The following IGF1R variants were observed in gnomAD, a reference collection of about 807,000 sequenced individuals.
IGF1R encodes insulin-like growth factor 1 receptor.
IGF1R carries 44 observed loss-of-function variants against 144.6 expected under a neutral mutation model. The ratio of observed to expected loss-of-function variants is 0.30; its 90% CI spans 0.24 to 0.39. The LOEUF (loss-of-function observed/expected upper bound fraction) is 0.39, where lower values mean the gene tolerates loss of function less well. Ranked by LOEUF, IGF1R falls within the 10% of genes least tolerant of loss-of-function variation. The probability of loss-of-function intolerance (pLI) is 1.00; values close to 1 mark genes in which losing one functional copy is unlikely to be tolerated. For missense variants in IGF1R, 1,355 were observed against 1,833.7 expected (o/e 0.74, Z 4.77); for synonymous variants, 795 against 722.8 (o/e 1.10, Z -1.60).
chr15:98,868,412 G>T (rs1048674233), intron 2 of IGF1R, among the ~76,000 whole-genome samples: 1 of 148,266 alleles, frequency 6.7e-6, no homozygotes, highest in East Asian at 2.0e-4. Flanking sequence ...GATCTTTAAG[G>T]CATGGAAATG....
chr15:98,850,748 G>T (rs770044373), intron 2 of IGF1R, among the ~76,000 whole-genome samples: 2 of 152,162 alleles, frequency 1.3e-5, no homozygotes, highest in South Asian at 4.1e-4. Context: ...CACTTGGTGG[G>T]GGGGGGTACC....
At chr15:98,665,544 C>A (rs758561471) in intron 1 of IGF1R, among the ~76,000 whole-genome samples, 1 of 152,120 alleles carries the variant, frequency 6.6e-6, no homozygotes, top group Non-Finnish European at 1.5e-5. Flanking sequence ...AGAGCCTGGT[C>A]ACGAGCATGA....
chr15:98,741,699 C>T (rs1342460904), intron 2 of IGF1R, among the ~76,000 whole-genome samples: 5 of 152,188 alleles, frequency 3.3e-5, no homozygotes, highest in African/African-American at 1.2e-4. Context: ...ACTAGAGAGT[C>T]TTGCAGAGAG....
At chr15:98,703,774 A>G (rs1485574393) in intron 1 of IGF1R, among the ~76,000 whole-genome samples, 1 of 152,220 alleles carries the variant, frequency 6.6e-6, no homozygotes, top group Admixed American at 6.5e-5. Context: ...TCCTGTCTGC[A>G]TTTTGATTGC....
rs911994476 is a variant in IGF1R at position 98,962,111 on chromosome 15, G to A, written c.*4669G>A. 4 of 233,174 alleles carry A rather than the reference G, an allele frequency of 1.7e-5. No homozygotes were observed. The highest frequency in any genetic ancestry group is 3.4e-5 in the Non-Finnish European group (4 of 118,070). 14.4% of individuals were successfully genotyped at this position (233,174 alleles called of 1,614,324 possible). A position where few individuals can be genotyped will look rare whatever the true frequency, so the allele number is the denominator to read the frequency against. ...CCGAATGGCTTGCCAGTGGCTCTGTGGCAAGATCACACTGAGATCGATGGG... is the reference window on the plus strand; with the variant it reads ...CCGAATGGCTTGCCAGTGGCTCTGTAGCAAGATCACACTGAGATCGATGGG... On this transcript the variant is annotated 3_prime_UTR_variant, in exon 21 of 21. Transcript: ENST00000650285.
chr15:98,733,002 C>T lies in IGF1R; in HGVS notation c.640+24895C>T, dbSNP rs143230057. On this transcript the variant is annotated intron_variant, in intron 2 of 20. Coordinates refer to ENST00000650285, the MANE Select transcript of IGF1R (RefSeq NM_000875.5). ...AAGAAAGGAGCACCCCTCACGCGAG[C>T]CCATTTTTCAAGGATACATGTTTGT... is the stretch of plus-strand genomic sequence containing the variant. Among the ~76,000 whole-genome samples, 797 of 152,248 alleles carry T rather than the reference C, an allele frequency of 5.2e-3. 3 individuals are homozygous for T. Among genetic ancestry groups the T allele is most frequent in the Non-Finnish European group, 9.8e-3 (666 of 68,016 alleles).
chr15:98,695,100 A>G (rs2053566159), intron 1 of IGF1R, among the ~76,000 whole-genome samples: 1 of 152,238 alleles, frequency 6.6e-6, no homozygotes, highest in Admixed American at 6.5e-5. Flanking sequence ...GGTTGTGAAC[A>G]AAAACAAGAA....
intron 2 of IGF1R, among the ~76,000 whole-genome samples, chr15:98,725,435 T>G (rs935842449): frequency 2.0e-5 from 3 of 152,212 alleles, no homozygotes; most frequent in Non-Finnish European, 4.4e-5. Context: ...TTTTAGAAGA[T>G]CCCTCCTATG....
At chr15:98,680,864 CTTTTTTTT>C (rs71149411) in intron 1 of IGF1R, among the ~76,000 whole-genome samples, 1 of 142,542 alleles carries the variant, frequency 7.0e-6, no homozygotes, top group Admixed American at 7.0e-5. Flanking sequence ...GCCATATGTA[CTTTTTTTT>C]TTTTTTTATC....
chr15:98,799,753 G>T (rs746751093), intron 2 of IGF1R, among the ~76,000 whole-genome samples: 16 of 152,220 alleles, frequency 1.1e-4, no homozygotes, highest in African/African-American at 1.7e-4. Flanking sequence ...GGCTGGGATC[G>T]TGGTGTTAAA....
chr15:98,857,129 TTG>T (rs1226598876), intron 2 of IGF1R, among the ~76,000 whole-genome samples: 1 of 152,130 alleles, frequency 6.6e-6, no homozygotes, highest in East Asian at 1.9e-4. Flanking sequence ...GGGGAAACAG[TTG>T]TGTGCAGTTG....
At chr15:98,862,194 A>G (rs981488676) in intron 2 of IGF1R, among the ~76,000 whole-genome samples, 36 of 152,396 alleles carry the variant, frequency 2.4e-4, no homozygotes, top group African/African-American at 7.7e-4. Context: ...TGCAGAGAGC[A>G]GAAGCATATA....
chr15:98,716,935 C>T (rs1469240143), intron 2 of IGF1R, among the ~76,000 whole-genome samples: 1 of 152,058 alleles, frequency 6.6e-6, no homozygotes, highest in Non-Finnish European at 1.5e-5. Flanking sequence ...TTGTGGAGTC[C>T]GTGGGGGCAG....
chr15:98,678,921 C>CT (rs60694188), intron 1 of IGF1R, among the ~76,000 whole-genome samples: 25 of 130,182 alleles, frequency 1.9e-4, no homozygotes, highest in African/African-American at 7.0e-4. Flanking sequence ...CTCTGATGCT[C>CT]TTTTTTTTTT....
At chr15:98,706,760 A>C (rs1446276643) in intron 1 of IGF1R, among the ~76,000 whole-genome samples, 1 of 151,938 alleles carries the variant, frequency 6.6e-6, no homozygotes, top group Non-Finnish European at 1.5e-5. Context: ...TAGAGAGTGG[A>C]TAATTGGCAT....
At chr15:98,796,197 A>C (rs2056237358) in intron 2 of IGF1R, among the ~76,000 whole-genome samples, 1 of 152,038 alleles carries the variant, frequency 6.6e-6, no homozygotes, top group Non-Finnish European at 1.5e-5. Flanking sequence ...GAATCCCATC[A>C]CAGCATGTGC....
chr15:98,786,087 C>T (rs931827374), intron 2 of IGF1R, among the ~76,000 whole-genome samples: 1 of 152,198 alleles, frequency 6.6e-6, no homozygotes, highest in Non-Finnish European at 1.5e-5. Context: ...CACGTGCACT[C>T]CTAGGCTTCA....
chr15:98,731,540 G>A (rs950498868), intron 2 of IGF1R, among the ~76,000 whole-genome samples: 2 of 152,098 alleles, frequency 1.3e-5, no homozygotes, highest in Non-Finnish European at 2.9e-5. Flanking sequence ...TCTGTGTATC[G>A]AAACTGCAGG....
chr15:98,924,821 G>C, intron 13 of IGF1R, 137 bp downstream of exon 13: 1 of 829,390 alleles, frequency 1.2e-6, no homozygotes. Context: ...GTCATGCTAA[G>C]GTGCCGGCAC....
Sources: allele counts gnomAD v4.1 joint callset (sites outside exome capture counted in the v4.1 genomes callset), GRCh38; gene constraint gnomAD v4.1.1; transcripts MANE v1.5; gene names NCBI Gene and HGNC (gene_info 2026-07-23, HGNC 2026-07-21).